NKAIN3: variants seen among roughly 807,000 people sequenced by gnomAD.
NKAIN3 encodes sodium/potassium-transporting ATPase subunit beta-1-interacting protein 3.
In NKAIN3, 25 loss-of-function variants were observed where a neutral mutation model predicts 30.2. The ratio of observed to expected loss-of-function variants is 0.83; its 90% CI spans 0.60 to 1.16. NKAIN3 has a LOEUF of 1.16. Ranked by LOEUF, NKAIN3 falls within the 50% of genes most tolerant of loss-of-function variation. The pLI is 0.00. For missense variants in NKAIN3, 225 were observed against 254.1 expected, an observed-to-expected ratio of 0.89 and a Z score of 0.78; for synonymous variants, 91 against 89.6, an observed-to-expected ratio of 1.02 and a Z score of -0.09.
chr8:62,298,108 G>A (rs1813903182), intron 1 of NKAIN3, among the ~76,000 whole-genome samples: 1 of 146,380 alleles, frequency 6.8e-6, no homozygotes, highest in Non-Finnish European at 1.5e-5. Flanking sequence ...TCACTCATAG[G>A]TGGGAATTGA....
At chr8:62,813,966 A>C (rs1818580613) in intron 4 of NKAIN3, among the ~76,000 whole-genome samples, 1 of 152,038 alleles carries the variant, frequency 6.6e-6, no homozygotes, top group African/African-American at 2.4e-5. Context: ...ATATCATCTC[A>C]TTCTGTCCAG....
At chr8:62,788,336 C>A (rs1346513205) in intron 4 of NKAIN3, among the ~76,000 whole-genome samples, 4 of 152,092 alleles carry the variant, frequency 2.6e-5, no homozygotes, top group Admixed American at 6.5e-5. Context: ...TAAATGTCTT[C>A]TTTTGAGAAG....
chr8:62,443,759 CTT>C (rs1805402290), intron 1 of NKAIN3, among the ~76,000 whole-genome samples: 1 of 151,980 alleles, frequency 6.6e-6, no homozygotes, highest in East Asian at 1.9e-4. Flanking sequence ...TAATTTTTCT[CTT>C]CTCTTTCTTT....
chr8:62,324,307 A>C lies in NKAIN3; in HGVS notation c.54+75180A>C, dbSNP rs151180512. 5.7e-3 allele frequency among the ~76,000 whole-genome samples: 875 copies of C among 152,238 alleles called. 5 individuals are homozygous for C. Among genetic ancestry groups the C allele is most frequent in the African/African-American group, 0.02 (823 of 41,564 alleles). ...AAGAGTATTGAAAAAGAAAGAACAT[A>C]AATCTTTATTAAATAGGCTCTGCAG... On this transcript the variant is annotated intron_variant, in intron 1 of 6. Coordinates refer to ENST00000623646, the MANE Select transcript of NKAIN3 (RefSeq NM_001304533.3).
At chr8:62,406,856 A>G (rs1046640322) in intron 1 of NKAIN3, among the ~76,000 whole-genome samples, 23 of 152,300 alleles carry the variant, frequency 1.5e-4, no homozygotes, top group African/African-American at 4.8e-4. Context: ...GTTGCTCCAT[A>G]TGTAACTTTC....
At chr8:62,465,036 G>T (rs371737072) in intron 1 of NKAIN3, among the ~76,000 whole-genome samples, 191 of 152,134 alleles carry the variant, frequency 1.3e-3, no homozygotes, top group African/African-American at 4.5e-3. Flanking sequence ...TTTAAAGACA[G>T]ATTAAATATC....
chr8:62,996,212 GA>G (rs1563659039), intron 5 of NKAIN3, among the ~76,000 whole-genome samples: 1 of 150,416 alleles, frequency 6.6e-6, no homozygotes, highest in African/African-American at 2.4e-5. Context: ...GGAGGCCTCA[GA>G]AAACTTACAA....
chr8:62,804,185 C>T (rs986595617), intron 4 of NKAIN3, among the ~76,000 whole-genome samples: 1 of 152,146 alleles, frequency 6.6e-6, no homozygotes, highest in African/African-American at 2.4e-5. Flanking sequence ...ACCAGAGGTA[C>T]AAGGAGGAAC....
chr8:62,579,746 A>T, intron 2 of NKAIN3, 70 bp downstream of exon 2: 1 of 897,538 alleles, frequency 1.1e-6, no homozygotes, highest in Non-Finnish European at 1.5e-6. Context: ...TAAATAAAAT[A>T]TTTCTAAGTG....
chr8:62,731,996 A>G (rs1421387293), intron 3 of NKAIN3, among the ~76,000 whole-genome samples: 1 of 152,126 alleles, frequency 6.6e-6, no homozygotes. Flanking sequence ...TTAAGAATAT[A>G]TAATCAAAAT....
downstream of NKAIN3, among the ~76,000 whole-genome samples, chr8:62,987,281 T>C (rs1202222316): frequency 1.3e-5 from 2 of 152,058 alleles, no homozygotes; most frequent in Non-Finnish European, 2.9e-5. Context: ...CCTGTAATTC[T>C]ACTTGAGAGG....
At chr8:62,516,494 G>A (rs956369303) in intron 1 of NKAIN3, among the ~76,000 whole-genome samples, 1 of 151,920 alleles carries the variant, frequency 6.6e-6, no homozygotes, top group Non-Finnish European at 1.5e-5. Flanking sequence ...AATAACCTTA[G>A]TTTGTTTTAC....
At chr8:62,842,898 A>G (rs1819574279) in intron 4 of NKAIN3, among the ~76,000 whole-genome samples, 1 of 152,228 alleles carries the variant, frequency 6.6e-6, no homozygotes, top group Middle Eastern at 3.4e-3. Context: ...TAAAACTACT[A>G]GAAGAAAACA....
At chr8:62,642,317 A>G (rs575042466) in intron 3 of NKAIN3, among the ~76,000 whole-genome samples, 2 of 152,256 alleles carry the variant, frequency 1.3e-5, no homozygotes, top group African/African-American at 4.8e-5. Flanking sequence ...AACAAAACGT[A>G]TACCCATAGG....
chr8:62,333,758 A>G (rs1199575042), intron 1 of NKAIN3, among the ~76,000 whole-genome samples: 6 of 152,136 alleles, frequency 3.9e-5, no homozygotes, highest in East Asian at 1.9e-4. Context: ...TTTGGGCCCT[A>G]GTATCATTAT....
chr8:62,694,340 C>G (rs4357278), intron 3 of NKAIN3, among the ~76,000 whole-genome samples: 68,791 of 151,900 alleles, frequency 0.45, 19,337 homozygotes, highest in African/African-American at 0.79. Context: ...TAAAAATATG[C>G]TATATACATA....
At chr8:62,381,548 A>G (rs889770189) in intron 1 of NKAIN3, among the ~76,000 whole-genome samples, 8 of 152,074 alleles carry the variant, frequency 5.3e-5, no homozygotes, top group Admixed American at 5.2e-4. Context: ...GAACAAGGCA[A>G]TTAGGTGGTG....
intron 3 of NKAIN3, among the ~76,000 whole-genome samples, chr8:62,654,511 C>T (rs907502988): frequency 6.6e-6 from 1 of 151,880 alleles, no homozygotes; most frequent in Non-Finnish European, 1.5e-5. Context: ...ATACAAGCTT[C>T]TAAAGAAAAA....
At chr8:62,581,228 T>C (rs945119649) in intron 2 of NKAIN3, among the ~76,000 whole-genome samples, 4 of 151,822 alleles carry the variant, frequency 2.6e-5, no homozygotes, top group African/African-American at 7.3e-5. Context: ...TTTCATGGAG[T>C]TGGACTTGAG....
Sources: allele counts gnomAD v4.1 joint callset (sites outside exome capture counted in the v4.1 genomes callset), GRCh38; gene constraint gnomAD v4.1.1; transcripts MANE v1.5; gene names NCBI Gene and HGNC (gene_info 2026-07-23, HGNC 2026-07-21).